The following DNAI2 variants were observed in gnomAD, a reference collection of about 807,000 sequenced individuals.
DNAI2 encodes dynein, axonemal, intermediate polypeptide 2.
DNAI2 carries 63 observed loss-of-function variants against 74.7 expected under a neutral mutation model. The ratio of observed to expected loss-of-function variants is 0.84; its 90% confidence interval spans 0.69 to 1.04. DNAI2 has a LOEUF of 1.04. Among genes scored for constraint, DNAI2 ranks in the 50% least tolerant of loss-of-function variants. DNAI2 has a pLI of 0.00. For missense variants in DNAI2, 688 were observed against 803.2 expected (o/e 0.86, Z 1.73); for synonymous variants, 289 against 314.9 (o/e 0.92, Z 0.87).
chr17:74,302,278 A>G (rs2052902080), intron 8 of DNAI2, among the ~76,000 whole-genome samples: 1 of 151,488 alleles, frequency 6.6e-6, no homozygotes, highest in Non-Finnish European at 1.5e-5. Flanking sequence ...ATAAGAAAAG[A>G]AAAAAAGGGC....
chr17:74,276,269 C>T (rs541820111), intron 1 of DNAI2, among the ~76,000 whole-genome samples: 2 of 152,304 alleles, frequency 1.3e-5, no homozygotes, highest in South Asian at 2.1e-4. Context: ...ATGCGGGAGA[C>T]GCCTGAATCT....
At chr17:74,282,273 T>A (rs1395762060) in intron 2 of DNAI2, among the ~76,000 whole-genome samples, 1 of 151,712 alleles carries the variant, frequency 6.6e-6, no homozygotes, top group Non-Finnish European at 1.5e-5. Context: ...TCGAAGACAC[T>A]TACCAGAGTT....
At chr17:74,283,241 C>T (rs1011695810) in intron 2 of DNAI2, among the ~76,000 whole-genome samples, 4 of 152,124 alleles carry the variant, frequency 2.6e-5, no homozygotes, top group Admixed American at 6.5e-5. Context: ...TGTATAATAA[C>T]GCTGCTGCAG....
intron 3 of DNAI2, 101 bp downstream of exon 3, chr17:74,285,302 C>T: frequency 4.9e-6 from 7 of 1,437,206 alleles, no homozygotes; most frequent in East Asian, 2.4e-5. Context: ...CTGTGAGGCT[C>T]GTGTGAATGC....
At position 74,314,745 on chromosome 17, in the gene DNAI2, A is replaced by G. The variant is rs2053730803; in HGVS notation, c.*212A>G. ...AAATACCTTTCCAGGCAGCTCCCTG[A>G]CCATTTGGACACATTGCCACGACAG... On this transcript the variant is annotated 3_prime_UTR_variant, in exon 14 of 14. Coordinates refer to ENST00000311014, the MANE Select transcript of DNAI2 (RefSeq NM_023036.6). 1 of 183,546 alleles carries G rather than the reference A, an allele frequency of 5.4e-6. No homozygotes were observed. The highest frequency in any genetic ancestry group is 1.2e-5 in the Non-Finnish European group (1 of 85,008). 11.4% of individuals were successfully genotyped at this position (183,546 alleles called of 1,614,324 possible).
At chr17:74,294,298 CT>C (rs113049803) in intron 6 of DNAI2, among the ~76,000 whole-genome samples, 1,831 of 139,622 alleles carry the variant, frequency 0.013, 26 homozygotes, top group African/African-American at 0.042. Flanking sequence ...CTTATCATTT[CT>C]TTTTTTTTTT....
chr17:74,296,311 AAGAGAGAGAGAG>A (rs143184350), intron 6 of DNAI2, among the ~76,000 whole-genome samples: 1 of 102,132 alleles, frequency 9.8e-6, no homozygotes, highest in Non-Finnish European at 2.3e-5. Context: ...CTTGCCTTTA[AAGAGAGAGAGAG>A]AGAGAGAGAG....
chr17:74,308,696 AT>A (rs919935748), intron 9 of DNAI2, among the ~76,000 whole-genome samples: 2 of 151,896 alleles, frequency 1.3e-5, no homozygotes, highest in African/African-American at 2.4e-5. Context: ...TAATTTTTTT[AT>A]TTTTTGTAGA....
At chr17:74,297,464 C>G (rs2052516139) in intron 6 of DNAI2, among the ~76,000 whole-genome samples, 1 of 150,098 alleles carries the variant, frequency 6.7e-6, no homozygotes, top group Admixed American at 6.7e-5. Flanking sequence ...GATCTCAGCT[C>G]ACTGCCACCT....
chr17:74,296,246 G>A (rs926970743), intron 6 of DNAI2, among the ~76,000 whole-genome samples: 5 of 151,290 alleles, frequency 3.3e-5, no homozygotes, highest in Admixed American at 6.6e-5. Flanking sequence ...AAGCTGAGGC[G>A]GGAGGATCGC....
chr17:74,282,090 TC>T, intron 2 of DNAI2, 90 bp downstream of exon 2: 1 of 1,496,748 alleles, frequency 6.7e-7, no homozygotes, highest in Non-Finnish European at 9.2e-7. Flanking sequence ...TGGGTCCTTG[TC>T]CACCTGAAAG....
chr17:74,283,372 C>T (rs961177652), intron 2 of DNAI2, among the ~76,000 whole-genome samples: 7 of 152,120 alleles, frequency 4.6e-5, no homozygotes, highest in Non-Finnish European at 8.8e-5. Context: ...CTTTGGGAGA[C>T]CAAGGTGGGA....
At chr17:74,310,205 C>A in intron 11 of DNAI2, 42 bp downstream of exon 11, 1 of 1,604,772 alleles carries the variant, frequency 6.2e-7, no homozygotes, top group Non-Finnish European at 8.5e-7. Context: ...CAGCACGTCC[C>A]GACCTGGCCC....
rs768297659 is a variant in DNAI2, at chr17:74,309,314, A to G, written c.1273A>G (p.Thr425Ala). The G allele has an allele frequency of 3.1e-6, 5 of 1,614,084 alleles. No homozygotes were observed. Among genetic ancestry groups the G allele is most frequent in the Non-Finnish European group, 4.2e-6 (5 of 1,180,014 alleles). Reference protein sequence around the residue: ...WSPVRPTVFFTTRMDGTLDIW... With the variant: ...WSPVRPTVFFATRMDGTLDIW... Reference sequence around the variant, plus strand: ...CCCCGTGAGGCCGACCGTTTTCTTTACCACCAGGATGGACGGAACCCTGGA... The same window carrying G: ...CCCCGTGAGGCCGACCGTTTTCTTTGCCACCAGGATGGACGGAACCCTGGA... Residue 425 changes from threonine to alanine, a missense_variant, in exon 10 of 14, where the codon ACC becomes GCC. Physicochemically the swap from Thr to Ala is moderately conservative, Grantham distance 58 (BLOSUM62 0). Coordinates refer to ENST00000311014, the MANE Select transcript of DNAI2 (RefSeq NM_023036.6).
chr17:74,312,682 G>C (rs1408529533), intron 12 of DNAI2, among the ~76,000 whole-genome samples: 3 of 152,208 alleles, frequency 2.0e-5, no homozygotes, highest in African/African-American at 4.8e-5. Flanking sequence ...AGTGTGACCT[G>C]TGGTCAGCTC....
chr17:74,280,520 G>A (rs554618757), intron 1 of DNAI2, among the ~76,000 whole-genome samples: 88 of 152,278 alleles, frequency 5.8e-4, no homozygotes, highest in Middle Eastern at 6.8e-3. Context: ...TCTCTGTCTG[G>A]GATTGACTCT....
intron 8 of DNAI2, among the ~76,000 whole-genome samples, chr17:74,302,070 AGAAGGAAGGAAG>A (rs1160792899): frequency 0.013 from 93 of 6,932 alleles, 4 homozygotes; most frequent in African/African-American, 0.037. Flanking sequence ...AAGGAAGGAA[AGAAGGAAGGAAG>A]GAAGGAAGGA....
At chr17:74,311,385 G>A (rs988712169) in intron 11 of DNAI2, among the ~76,000 whole-genome samples, 8 of 152,084 alleles carry the variant, frequency 5.3e-5, no homozygotes, top group East Asian at 1.9e-4. Context: ...AGGCCGAGGC[G>A]GGCAGATCAC....
chr17:74,285,088 G>C lies in DNAI2; in HGVS notation c.232G>C (p.Glu78Gln). Residue 78 changes from glutamate (E) to glutamine (Q), a missense_variant, in exon 3 of 14, where the codon GAG becomes CAG. Physicochemically the swap from Glu to Gln is conservative, Grantham distance 29. Transcript: ENST00000311014. ...GGAGACCCGGGGAGTTAACCATGTCGAGGGGGGCTGGCCCAAGGACGTGAA... is the reference window on the plus strand; with the variant it reads ...GGAGACCCGGGGAGTTAACCATGTCCAGGGGGGCTGGCCCAAGGACGTGAA... ...EMETRGVNHV[E>Q]GGWPKDVNPL... 1 of 1,614,202 alleles carries C rather than the reference G, an allele frequency of 6.2e-7. No homozygotes were observed. Among genetic ancestry groups the C allele is most frequent in the Non-Finnish European group, 8.5e-7 (1 of 1,180,040 alleles).
Sources: gnomAD v4.1 joint callset for allele counts (sites outside exome capture counted in the v4.1 genomes callset) on GRCh38, gnomAD v4.1.1 for gene constraint, MANE v1.5 for transcripts, NCBI Gene and HGNC (gene_info 2026-07-23, HGNC 2026-07-21) for gene names.